MAD1L1: variants seen among roughly 807,000 people sequenced by gnomAD.
The protein encoded by MAD1L1 is mitotic spindle assembly checkpoint protein MAD1.
Under a neutral mutation model 96.9 loss-of-function variants are expected in MAD1L1, and 95 were observed. That is an observed-to-expected ratio of 0.98 (90% confidence interval 0.83 to 1.16). The LOEUF is 1.16. Among genes scored for constraint, MAD1L1 ranks in the 50% most tolerant of loss-of-function variants. The pLI, the probability that MAD1L1 is intolerant of heterozygous loss-of-function variation, is 0.00. For synonymous variants in MAD1L1, 473 were observed against 396.6 expected (o/e 1.19, Z -2.29); for missense variants, 1,007 against 954.4 (o/e 1.06, Z -0.73).
intron 12 of MAD1L1, among the ~76,000 whole-genome samples, chr7:2,043,440 T>C (rs1783780402): frequency 6.6e-6 from 1 of 152,118 alleles, no homozygotes; most frequent in African/African-American, 2.4e-5. Flanking sequence ...CCTCCAAAAA[T>C]CCATGCTGCA....
chr7:1,863,808 G>T (rs1260784777), intron 18 of MAD1L1, among the ~76,000 whole-genome samples: 1 of 152,182 alleles, frequency 6.6e-6, no homozygotes, highest in Non-Finnish European at 1.5e-5. Flanking sequence ...CCCGAGGAAG[G>T]CCAGGCGCGG....
chr7:2,157,106 G>T (rs1468629286), intron 10 of MAD1L1, among the ~76,000 whole-genome samples: 1 of 152,172 alleles, frequency 6.6e-6, no homozygotes, highest in Non-Finnish European at 1.5e-5. Context: ...ACCTGAAACT[G>T]CATGACACCT....
chr7:2,127,750 C>T (rs184475918), intron 11 of MAD1L1, among the ~76,000 whole-genome samples: 82 of 152,260 alleles, frequency 5.4e-4, no homozygotes, highest in African/African-American at 1.9e-3. Flanking sequence ...CCCTGCACTC[C>T]GGGAAACGTG....
chr7:1,980,391 G>A (rs117395188), intron 15 of MAD1L1, 62 bp downstream of exon 15: 22,587 of 1,420,858 alleles, frequency 0.016, 230 homozygotes, highest in Middle Eastern at 0.031. Flanking sequence ...ACACCTGGGC[G>A]TATCCGCCTC....
rs1369792165 is a variant in MAD1L1, at chr7:2,119,417, G to A, written c.1073+29735C>T. Among the ~76,000 whole-genome samples the A allele has an allele frequency of 3.3e-5, 5 of 152,156 alleles. No individual in the cohort carries two copies. Among genetic ancestry groups the A allele is most frequent in the East Asian group, 1.9e-4 (1 of 5,182 alleles). ...CCTCCATCTCCCACCCAGATGCGAT[G>A]AGCAGGAGCTGTCGTGGGGCGCACA... is the stretch of plus-strand genomic sequence containing the variant. On this transcript the variant is annotated intron_variant, in intron 11 of 18. Transcript: ENST00000265854. This position sits in a 1 kb window ranked among gnomAD's most constrained non-coding sequence, Gnocchi z 4.6.
intron 14 of MAD1L1, among the ~76,000 whole-genome samples, chr7:1,996,522 G>A (rs914851508): frequency 2.0e-5 from 3 of 152,230 alleles, no homozygotes; most frequent in African/African-American, 7.2e-5. Flanking sequence ...CCCTGCTCAC[G>A]GTCGCCAGAT....
At chr7:2,043,885 C>T (rs894632428) in intron 12 of MAD1L1, among the ~76,000 whole-genome samples, 1 of 152,260 alleles carries the variant, frequency 6.6e-6, no homozygotes, top group Non-Finnish European at 1.5e-5. Context: ...CAAAGCCTGC[C>T]CCTGGAACGT....
intron 12 of MAD1L1, among the ~76,000 whole-genome samples, chr7:2,043,893 C>T (rs1049810381): frequency 1.3e-5 from 2 of 152,256 alleles, no homozygotes; most frequent in Non-Finnish European, 2.9e-5. Flanking sequence ...GCCCCTGGAA[C>T]GTGGCAGACC....
intron 17 of MAD1L1, among the ~76,000 whole-genome samples, chr7:1,913,873 C>G (rs148993957): frequency 3.9e-5 from 6 of 152,276 alleles, no homozygotes; most frequent in Non-Finnish European, 8.8e-5. Flanking sequence ...GGAAACGCCA[C>G]AGACTCAGTC....
chr7:1,863,544 A>AC (rs1784631738), intron 18 of MAD1L1, among the ~76,000 whole-genome samples: 1 of 152,156 alleles, frequency 6.6e-6, no homozygotes, highest in Admixed American at 6.5e-5. Context: ...ACTGAGGCTG[A>AC]CCCCTGAGCA....
At chr7:1,851,968 A>T (rs1784001598) in intron 18 of MAD1L1, among the ~76,000 whole-genome samples, 1 of 152,156 alleles carries the variant, frequency 6.6e-6, no homozygotes, top group Non-Finnish European at 1.5e-5. Flanking sequence ...AGGGCCCGGC[A>T]CGGGTGGGCG....
At chr7:1,855,974 A>G (rs1236391904) in intron 18 of MAD1L1, among the ~76,000 whole-genome samples, 1 of 152,170 alleles carries the variant, frequency 6.6e-6, no homozygotes, top group Non-Finnish European at 1.5e-5. Context: ...GCGCCGGCAG[A>G]CGTGGTGTCT....
In MAD1L1 at chr7:2,101,934, T is replaced by A. The variant is rs1361866208; in HGVS notation, c.1074-32596A>T. On this transcript the variant is annotated intron_variant, in intron 11 of 18. Coordinates refer to ENST00000265854, the MANE Select transcript of MAD1L1 (RefSeq NM_001013836.2). ...GCAGTCCAGTGCACACAGGGGGCTCTGCAGCTGGGAAGACCCTGACTGGAG... is the reference window on the plus strand; with the variant it reads ...GCAGTCCAGTGCACACAGGGGGCTCAGCAGCTGGGAAGACCCTGACTGGAG... Among the ~76,000 whole-genome samples, 4 of 152,298 alleles carry A rather than the reference T, an allele frequency of 2.6e-5. No homozygotes were observed. In the East Asian group the frequency reaches 7.7e-4, roughly 29 times the overall value.
chr7:1,965,804 C>T (rs1583937676), intron 15 of MAD1L1, among the ~76,000 whole-genome samples: 2 of 152,274 alleles, frequency 1.3e-5, no homozygotes, highest in African/African-American at 2.4e-5. Context: ...CAGGGCCGGG[C>T]GTGGGCCCAA....
At position 1,972,427 on chromosome 7, in the gene MAD1L1, T is replaced by C. The variant is rs574084633; in HGVS notation, c.1505+8026A>G. Among the ~76,000 whole-genome samples the C allele has an allele frequency of 4.3e-3, 649 of 152,310 alleles. 6 individuals carry two copies. Among genetic ancestry groups the C allele is most frequent in the African/African-American group, 0.015 (618 of 41,550 alleles). On this transcript the variant is annotated intron_variant, in intron 15 of 18. Transcript: ENST00000265854. ...CCTATTTCATCTTGGTCGAGTCTGGTGGCTTGTGGGTTCTGAGGAGTGAGT... is the reference window on the plus strand; with the variant it reads ...CCTATTTCATCTTGGTCGAGTCTGGCGGCTTGTGGGTTCTGAGGAGTGAGT...
intron 17 of MAD1L1, among the ~76,000 whole-genome samples, chr7:1,920,516 C>T (rs148579737): frequency 8.4e-4 from 128 of 152,314 alleles, no homozygotes; most frequent in South Asian, 2.7e-3. Context: ...GCGGGGGGAA[C>T]CCATCGCATG....
intron 16 of MAD1L1, among the ~76,000 whole-genome samples, chr7:1,938,750 A>ATG (rs1562542263): frequency 0.025 from 3,614 of 142,778 alleles, 41 homozygotes; most frequent in Non-Finnish European, 0.037. Context: ...GCGCACGCAC[A>ATG]CACACACACA....
intron 11 of MAD1L1, chr7:2,109,618 G>C (rs1449606805): frequency 6.6e-6 from 1 of 152,196 alleles, no homozygotes; most frequent in South Asian, 2.1e-4. Flanking sequence ...GTCAAGAGCT[G>C]GTTAACGTAG....
chr7:1,950,768 G>A (rs1779456936), intron 16 of MAD1L1, among the ~76,000 whole-genome samples: 1 of 152,232 alleles, frequency 6.6e-6, no homozygotes, highest in Admixed American at 6.5e-5. Context: ...CAGCATGGGG[G>A]GAGCAGCACA....
Sources: allele counts gnomAD v4.1 joint callset (sites outside exome capture counted in the v4.1 genomes callset), GRCh38; gene constraint gnomAD v4.1.1; non-coding constraint Gnocchi (gnomAD v3.1); transcripts MANE v1.5; gene names NCBI Gene and HGNC (gene_info 2026-07-23, HGNC 2026-07-21).